Variants in ATIC observed in about 807,000 individuals in gnomAD.
The protein encoded by ATIC is bifunctional purine biosynthesis protein ATIC.
Under a neutral mutation model 72.5 loss-of-function variants are expected in ATIC, and 64 were observed. That is an observed-to-expected ratio of 0.88 (90% CI 0.72 to 1.09). ATIC has a LOEUF of 1.09. Ranked by LOEUF, ATIC falls within the 50% of genes least tolerant of loss-of-function variation. The pLI is 0.00. For missense variants in ATIC, 787 were observed against 732.4 expected (o/e 1.07, Z -0.86); for synonymous variants, 281 against 267.1 (o/e 1.05, Z -0.51).
intron 4 of ATIC, among the ~76,000 whole-genome samples, chr2:215,324,392 G>A (rs2052800493): frequency 6.6e-6 from 1 of 152,118 alleles, no homozygotes; most frequent in Non-Finnish European, 1.5e-5. Context: ...ATGATCAGGT[G>A]GTTTTTGCAT....
At chr2:215,368,076 T>C in the ATIC span, 59 of 1,589,384 alleles carry the variant, frequency 3.7e-5, no homozygotes, top group African/African-American at 6.4e-4. Flanking sequence ...TATTAATCGA[T>C]TTGGACCATA....
At chr2:215,317,574 C>T (rs558995407) in intron 2 of ATIC, among the ~76,000 whole-genome samples, 18 of 152,254 alleles carry the variant, frequency 1.2e-4, no homozygotes, top group Non-Finnish European at 5.9e-5. Flanking sequence ...CGACCTCCAA[C>T]TCTTGGGTTC....
intron 6 of ATIC, among the ~76,000 whole-genome samples, 186 bp downstream of exon 6, chr2:215,326,324 G>A (rs937619606): frequency 2.0e-5 from 3 of 152,204 alleles, no homozygotes; most frequent in African/African-American, 7.2e-5. Context: ...TTGAAAGAGA[G>A]CTGGGCGCGG....
At chr2:215,360,168 C>T in the ATIC span, among the ~76,000 whole-genome samples, 1 of 152,186 alleles carries the variant, frequency 6.6e-6, no homozygotes, top group African/African-American at 2.4e-5. Flanking sequence ...AAACTCCTGA[C>T]CTCAGGTGAT....
In ATIC at chr2:215,319,706, G is replaced by A. The variant is rs374183545; in HGVS notation, c.265G>A (p.Ala89Thr). 8.7e-6 allele frequency: 14 copies of A among 1,612,064 alleles called. No individual in the cohort carries two copies. Among genetic ancestry groups the A allele is most frequent in the Non-Finnish European group, 1.2e-5 (14 of 1,178,372 alleles). Reference protein sequence around the residue: ...RNIPEDNADMARLDFNLIRVV... With the variant: ...RNIPEDNADMTRLDFNLIRVV... ...TATTCCAGAAGATAATGCTGACATGGCCAGACTTGATTTCAATCTTATAAG... is the reference window on the plus strand; with the variant it reads ...TATTCCAGAAGATAATGCTGACATGACCAGACTTGATTTCAATCTTATAAG... The change falls in exon 4 of 16, where the codon GCC becomes ACC. Residue 89 changes from alanine to threonine, a missense_variant. By Grantham distance (58) the Ala-to-Thr change is moderately conservative (BLOSUM62 0). Coordinates refer to ENST00000236959, the MANE Select transcript of ATIC (RefSeq NM_004044.7).
chr2:215,337,844 G>T (rs2052973426), intron 11 of ATIC, among the ~76,000 whole-genome samples: 1 of 152,114 alleles, frequency 6.6e-6, no homozygotes, highest in African/African-American at 2.4e-5. Flanking sequence ...GGACTTCATT[G>T]GTATTTTACT....
rs779225067 is a variant in ATIC at position 215,332,505 on chromosome 2, C to A, written c.812C>A (p.Ala271Glu). ...GCCTCTTTCAAACATGTCAGCCCAG[C>A]AGGTAAAGCTCTGTGCTCTGGAAAG... is the stretch of plus-strand genomic sequence containing the variant. The part of the protein sequence containing the change: ...AAASFKHVSP[A>E]GAAVGIPLSE... Residue 271 changes from alanine to glutamate, a missense_variant and splice_region_variant, in exon 8 of 16, where the codon GCA becomes GAA. Physicochemically the swap from Ala to Glu is moderately radical, Grantham distance 107 (BLOSUM62 -1). Coordinates refer to ENST00000236959, the MANE Select transcript of ATIC (RefSeq NM_004044.7). The A allele has an allele frequency of 4.3e-6, 7 of 1,614,080 alleles. No homozygotes were observed. Among genetic ancestry groups the A allele is most frequent in the Non-Finnish European group, 5.9e-6 (7 of 1,180,024 alleles).
the ATIC span, among the ~76,000 whole-genome samples, chr2:215,356,186 C>T: frequency 2.8e-3 from 434 of 152,304 alleles, 2 homozygotes; most frequent in Admixed American, 5.2e-3. Context: ...CCACCTGAGT[C>T]ACGATAAATA....
chr2:215,312,241 A>C, intron 1 of ATIC, 80 bp downstream of exon 1: 1 of 1,453,690 alleles, frequency 6.9e-7, no homozygotes, highest in Non-Finnish European at 9.0e-7. Context: ...GGCCGGCGGG[A>C]CCCGGCACTG....
intron 13 of ATIC, among the ~76,000 whole-genome samples, chr2:215,346,282 C>T (rs910773394): frequency 1.3e-5 from 2 of 152,118 alleles, no homozygotes; most frequent in African/African-American, 2.4e-5. Context: ...CCACTTCAGC[C>T]TCCTGAGTAG....
At chr2:215,312,222 C>T (rs1219524370) in intron 1 of ATIC, 61 bp downstream of exon 1, 1 of 1,459,130 alleles carries the variant, frequency 6.9e-7, no homozygotes, top group Non-Finnish European at 9.0e-7. Context: ...ACGCTCCCGC[C>T]TTGGCGGCGG....
At chr2:215,349,443 A>G (rs1233199070) in intron 15 of ATIC, 93 bp from the exon 16 acceptor site, 1 of 1,603,742 alleles carries the variant, frequency 6.2e-7, no homozygotes, top group South Asian at 1.1e-5. Context: ...GACTGAGTGT[A>G]TCTTTGTTAG....
the ATIC span, among the ~76,000 whole-genome samples, chr2:215,359,133 C>T: frequency 6.6e-6 from 1 of 152,182 alleles, no homozygotes; most frequent in Admixed American, 6.5e-5. Context: ...ACCCTCCCAC[C>T]TCGGCGCCTC....
the ATIC span, among the ~76,000 whole-genome samples, chr2:215,358,813 A>T: frequency 5.9e-5 from 9 of 152,372 alleles, no homozygotes; most frequent in East Asian, 1.7e-3. Flanking sequence ...TTACATTTCA[A>T]CATAAAAGTA....
At chr2:215,336,157 G>C in intron 11 of ATIC, 33 bp downstream of exon 11, 4 of 1,496,188 alleles carry the variant, frequency 2.7e-6, no homozygotes, top group Non-Finnish European at 3.7e-6. Context: ...GCGGTAATTT[G>C]CTCTTTTATT....
At chr2:215,346,188 G>T (rs961053807) in intron 13 of ATIC, among the ~76,000 whole-genome samples, 2 of 152,014 alleles carry the variant, frequency 1.3e-5, no homozygotes, top group Non-Finnish European at 2.9e-5. Flanking sequence ...TAGAGACAGG[G>T]TCTTGCTCTG....
chr2:215,334,489 C>G (rs73089313), intron 9 of ATIC, among the ~76,000 whole-genome samples: 5,255 of 152,210 alleles, frequency 0.035, 290 homozygotes, highest in African/African-American at 0.12. Context: ...ATTTATGGCT[C>G]TTCTAACTTT....
intron 2 of ATIC, 65 bp from the exon 3 acceptor site, chr2:215,318,092 C>A (rs916004994): frequency 2.5e-5 from 35 of 1,403,034 alleles, no homozygotes; most frequent in South Asian, 1.5e-4. Flanking sequence ...ACAGTAGATG[C>A]TTTGAATAGT....
intron 12 of ATIC, among the ~76,000 whole-genome samples, chr2:215,343,255 C>T (rs1158323037): frequency 6.6e-6 from 1 of 151,260 alleles, no homozygotes; most frequent in Non-Finnish European, 1.5e-5. Flanking sequence ...TTTTTGTGTA[C>T]TTATTTGCTA....
Sources: gnomAD v4.1 joint callset for allele counts (sites outside exome capture counted in the v4.1 genomes callset) on GRCh38, gnomAD v4.1.1 for gene constraint, MANE v1.5 for transcripts, NCBI Gene and HGNC (gene_info 2026-07-23, HGNC 2026-07-21) for gene names.